The following CPB1 variants were observed in gnomAD, a reference collection of about 807,000 sequenced individuals.
CPB1 encodes carboxypeptidase B.
CPB1 carries 53 observed loss-of-function variants against 51.4 expected under a neutral mutation model. The observed-to-expected ratio is 1.03, with a 90% confidence interval of 0.83 to 1.30. CPB1 has a LOEUF of 1.30. CPB1 is among the 50% of genes most tolerant of loss of function. The pLI is 0.00. For missense variants in CPB1, 494 were observed against 516.2 expected (o/e 0.96, Z 0.42); for synonymous variants, 189 against 186.9 (o/e 1.01, Z -0.09).
intron 10 of CPB1, among the ~76,000 whole-genome samples, chr3:148,858,386 C>G (rs1396245623): frequency 6.6e-6 from 1 of 152,038 alleles, no homozygotes; most frequent in Admixed American, 6.6e-5. Flanking sequence ...GCCTGCCCAA[C>G]ATGGTGAAAC....
chr3:148,850,817 G>A (rs1403289415), intron 9 of CPB1: 1 of 152,190 alleles, frequency 6.6e-6, no homozygotes, highest in Non-Finnish European at 1.5e-5. Context: ...CCACAATTCT[G>A]CTTCCAGGCA....
At chr3:148,828,209 C>CA (rs1244219605) in intron 2 of CPB1, 132 bp downstream of exon 2, 6 of 714,878 alleles carry the variant, frequency 8.4e-6, no homozygotes, top group Non-Finnish European at 1.4e-5. Flanking sequence ...ACTTGGAAAA[C>CA]ATTTAGTGCC....
intron 3 of CPB1, among the ~76,000 whole-genome samples, chr3:148,836,922 A>C (rs1366467626): frequency 1.3e-5 from 2 of 152,142 alleles, no homozygotes; most frequent in East Asian, 3.8e-4. Flanking sequence ...TACCAAAATA[A>C]CTTTTCAGAT....
chr3:148,828,130 C>T, intron 2 of CPB1, 53 bp downstream of exon 2: 4 of 1,354,258 alleles, frequency 3.0e-6, no homozygotes, highest in Non-Finnish European at 4.2e-6. Flanking sequence ...TTAGATCGCA[C>T]TGTGATTCCG....
intron 9 of CPB1, among the ~76,000 whole-genome samples, chr3:148,847,477 G>T (rs1056275367): frequency 2.7e-5 from 4 of 149,528 alleles, no homozygotes; most frequent in African/African-American, 9.9e-5. Flanking sequence ...AAAGAACCAA[G>T]CCTCAGAGTT....
At chr3:148,834,338 T>G (rs1296132212) in intron 2 of CPB1, among the ~76,000 whole-genome samples, 160 bp from the exon 3 acceptor site, 1 of 152,238 alleles carries the variant, frequency 6.6e-6, no homozygotes. Context: ...ATCTAACTGC[T>G]TGGTTCCAAC....
chr3:148,844,770 A>G lies in CPB1; in HGVS notation c.778+3A>G. ...AAATTTTGATGCTGGTTGGTGTGGT[A>G]AGTATCTGGCTAGCCATTTTGCATG... On this transcript the variant is annotated splice_donor_region_variant and intron_variant, in intron 8 of 10. Coordinates refer to ENST00000282957, the MANE Select transcript of CPB1 (RefSeq NM_001871.3). 6.2e-7 allele frequency: 1 copy of G among 1,613,382 alleles called. No homozygotes were observed. The highest frequency in any genetic ancestry group is 8.5e-7 in the Non-Finnish European group (1 of 1,179,376).
intron 3 of CPB1, 130 bp from the exon 4 acceptor site, chr3:148,840,556 A>T: frequency 1.3e-6 from 1 of 742,728 alleles, no homozygotes; most frequent in Non-Finnish European, 2.4e-6. Context: ...GAAGAACCAG[A>T]GGACAACATG....
At chr3:148,833,755 A>G (rs1241708028) in intron 2 of CPB1, among the ~76,000 whole-genome samples, 7 of 150,746 alleles carry the variant, frequency 4.6e-5, no homozygotes, top group African/African-American at 1.7e-4. Flanking sequence ...AAAAAAAAAC[A>G]GCTATTTGGG....
At position 148,841,838 on chromosome 3, in the gene CPB1, C is replaced by T; in HGVS notation, c.490C>T (p.Gln164Ter). 6.2e-7 allele frequency: 1 copy of T among 1,613,678 alleles called. No homozygotes were observed. Among genetic ancestry groups the T allele is most frequent in the Non-Finnish European group, 8.5e-7 (1 of 1,179,724 alleles). ...IYLLKVGKAGQNKPAIFMDCG... is the reference protein window; with the variant it reads ...IYLLKVGKAG The stretch of plus-strand genomic sequence containing the variant: ...TTTGCAATAGGTTGGCAAAGCTGGA[C>T]AAAATAAGCCTGCCATTTTCATGGA... Residue 164 changes from glutamine (Q) to a stop codon, truncating the protein, a stop_gained, in exon 6 of 11, where the codon CAA becomes TAA. Coordinates refer to ENST00000282957, the MANE Select transcript of CPB1 (RefSeq NM_001871.3). LOFTEE classifies it high-confidence loss of function.
chr3:148,849,720 T>C (rs966919426), intron 9 of CPB1, among the ~76,000 whole-genome samples: 8 of 152,268 alleles, frequency 5.3e-5, no homozygotes, highest in African/African-American at 1.9e-4. Context: ...GCATGTGTCT[T>C]GCACCATTTC....
At chr3:148,852,720 C>T (rs1389268582) in intron 9 of CPB1, among the ~76,000 whole-genome samples, 1 of 152,192 alleles carries the variant, frequency 6.6e-6, no homozygotes, top group Non-Finnish European at 1.5e-5. Flanking sequence ...TTTCAGCTGA[C>T]TCACACTTCA....
intron 2 of CPB1, among the ~76,000 whole-genome samples, chr3:148,829,360 G>A (rs1712662872): frequency 6.6e-6 from 1 of 152,080 alleles, no homozygotes; most frequent in Non-Finnish European, 1.5e-5. Flanking sequence ...GCCTTCATTT[G>A]TAAAGCAGAC....
intron 9 of CPB1, chr3:148,856,504 A>C (rs1380570430): frequency 6.6e-6 from 1 of 152,254 alleles, no homozygotes; most frequent in Non-Finnish European, 1.5e-5. Flanking sequence ...ATGTAGAAGA[A>C]GTAATTATAA....
intron 2 of CPB1, among the ~76,000 whole-genome samples, chr3:148,831,779 C>T (rs1296206521): frequency 6.6e-6 from 1 of 152,194 alleles, no homozygotes; most frequent in African/African-American, 2.4e-5. Context: ...CCTACATCTA[C>T]ATCCTATATT....
chr3:148,837,525 A>G (rs1466986608), intron 3 of CPB1, among the ~76,000 whole-genome samples: 1 of 151,432 alleles, frequency 6.6e-6, no homozygotes. Flanking sequence ...CTATAAAACG[A>G]GCATATAAAA....
At chr3:148,857,062 G>GTTTTTTTGCTTTTTTTTTTTTTTT (rs750155151) in intron 9 of CPB1, 1 of 48,182 alleles carries the variant, frequency 2.1e-5, no homozygotes, top group African/African-American at 9.8e-5. Context: ...ATTGCCAAGT[G>GTTTTTTTGCTTTTTTTTTTTTTTT]TTTTTTTTTT....
chr3:148,847,375 A>AG (rs1311796487), intron 9 of CPB1, among the ~76,000 whole-genome samples: 1 of 60,406 alleles, frequency 1.7e-5, no homozygotes, highest in African/African-American at 4.5e-5. Context: ...TCATTCTTAA[A>AG]AAAAAAAAAA....
rs917097406 is a variant in CPB1 at position 148,839,928 on chromosome 3, T to TCA, written c.273-749_273-748dup. ...ACTCAAAGTAGAAAGGGAAGTGAAG[T>TCA]CACACACACATACACACACACACAC... On this transcript the variant is annotated intron_variant, in intron 3 of 10. Coordinates refer to ENST00000282957, the MANE Select transcript of CPB1 (RefSeq NM_001871.3). Among the ~76,000 whole-genome samples the TCA allele has an allele frequency of 3.7e-3, 566 of 151,224 alleles. 1 individual carries two copies. Among genetic ancestry groups the TCA allele is most frequent in the African/African-American group, 0.013 (548 of 41,430 alleles).
Sources: allele counts gnomAD v4.1 joint callset (sites outside exome capture counted in the v4.1 genomes callset), GRCh38; gene constraint gnomAD v4.1.1; transcripts MANE v1.5; gene names NCBI Gene and HGNC (gene_info 2026-07-23, HGNC 2026-07-21).